Variants in CTNNA3 observed in about 807,000 individuals in gnomAD.
The protein encoded by CTNNA3 is catenin alpha 3.
CTNNA3 carries 76 observed loss-of-function variants against 95.7 expected under a neutral mutation model. That is an observed-to-expected ratio of 0.79 (90% CI 0.66 to 0.96). The LOEUF is 0.96. Among genes scored for constraint, CTNNA3 ranks in the 40% least tolerant of loss-of-function variants. The probability of loss-of-function intolerance (pLI) is 0.00; values close to 1 mark genes in which losing one functional copy is unlikely to be tolerated. For missense variants in CTNNA3, 1,191 were observed against 1,089.8 expected (o/e 1.09, Z -1.31); for synonymous variants, 431 against 374.4 (o/e 1.15, Z -1.74).
At chr10:66,108,397 T>C (rs748287029) in intron 13 of CTNNA3, among the ~76,000 whole-genome samples, 1 of 152,096 alleles carries the variant, frequency 6.6e-6, no homozygotes, top group Non-Finnish European at 1.5e-5. Flanking sequence ...CACTTAAGAC[T>C]CTTTGTGTCT....
chr10:67,660,112 C>T (rs909068766), intron 1 of CTNNA3, among the ~76,000 whole-genome samples: 2 of 152,158 alleles, frequency 1.3e-5, no homozygotes, highest in Non-Finnish European at 2.9e-5. Context: ...TCCATTCTGT[C>T]ATAATCCTTG....
intron 9 of CTNNA3, among the ~76,000 whole-genome samples, chr10:66,651,674 G>C (rs1004537379): frequency 6.6e-6 from 1 of 150,546 alleles, no homozygotes; most frequent in South Asian, 2.1e-4. Flanking sequence ...ACTGCTGGGG[G>C]ACCCAGCGCA....
intron 10 of CTNNA3, among the ~76,000 whole-genome samples, chr10:66,547,534 G>C (rs1842077737): frequency 6.6e-6 from 1 of 151,022 alleles, no homozygotes; most frequent in Non-Finnish European, 1.5e-5. Context: ...AGTAGAGACG[G>C]GGTTTCACCA....
At chr10:67,109,571 G>A (rs117433385) in intron 7 of CTNNA3, among the ~76,000 whole-genome samples, 2,081 of 152,258 alleles carry the variant, frequency 0.014, 16 homozygotes, top group Non-Finnish European at 0.021. Context: ...AAGGCCAGGC[G>A]TGGTAGCTCA....
intron 5 of CTNNA3, among the ~76,000 whole-genome samples, chr10:67,443,484 C>T (rs914918582): frequency 2.0e-5 from 3 of 151,814 alleles, no homozygotes; most frequent in Non-Finnish European, 4.4e-5. Context: ...TAATGATTGC[C>T]GTTCTAACTG....
chr10:67,564,727 T>C (rs1841694542), intron 3 of CTNNA3, among the ~76,000 whole-genome samples: 1 of 93,696 alleles, frequency 1.1e-5, no homozygotes, highest in Non-Finnish European at 2.0e-5. Flanking sequence ...ATCACTATGA[T>C]CAGGTGGGTT....
intron 5 of CTNNA3, among the ~76,000 whole-genome samples, chr10:67,262,047 T>C (rs957050255): frequency 8.5e-5 from 13 of 152,294 alleles, no homozygotes; most frequent in African/African-American, 2.4e-4. Context: ...TGGTATAATA[T>C]TGTACAATAA....
At chr10:67,553,260 C>A (rs1242977309) in intron 3 of CTNNA3, among the ~76,000 whole-genome samples, 1 of 152,014 alleles carries the variant, frequency 6.6e-6, no homozygotes, top group African/African-American at 2.4e-5. Context: ...GTAACTATAC[C>A]CCTTAAATCT....
intron 13 of CTNNA3, among the ~76,000 whole-genome samples, chr10:66,116,431 T>C (rs1331942156): frequency 6.6e-6 from 1 of 152,212 alleles, no homozygotes; most frequent in African/African-American, 2.4e-5. Flanking sequence ...TGTATACAAA[T>C]ATTTATAGCA....
chr10:67,531,449 G>A (rs1239931494), intron 4 of CTNNA3, among the ~76,000 whole-genome samples: 1 of 152,212 alleles, frequency 6.6e-6, no homozygotes, highest in Non-Finnish European at 1.5e-5. Flanking sequence ...AGATTTGACT[G>A]CCCTGATGGA....
chr10:66,424,612 A>G (rs1016634323), intron 11 of CTNNA3, among the ~76,000 whole-genome samples: 5 of 152,140 alleles, frequency 3.3e-5, no homozygotes, highest in African/African-American at 1.2e-4. Context: ...TATTGCTGAT[A>G]TCTAATTTAA....
chr10:66,728,374 A>G (rs1247211391), intron 9 of CTNNA3, among the ~76,000 whole-genome samples: 10 of 152,082 alleles, frequency 6.6e-5, no homozygotes. Context: ...CTCCCATTCT[A>G]TAGGTTATCT....
At chr10:66,427,414 T>G (rs529306481) in intron 11 of CTNNA3, among the ~76,000 whole-genome samples, 2 of 152,208 alleles carry the variant, frequency 1.3e-5, no homozygotes, top group Non-Finnish European at 2.9e-5. Context: ...CTAAGCTTCC[T>G]TACGGTTGGA....
At chr10:66,448,846 T>A (rs1266260433) in intron 11 of CTNNA3, among the ~76,000 whole-genome samples, 4 of 151,810 alleles carry the variant, frequency 2.6e-5, no homozygotes, top group African/African-American at 9.6e-5. Flanking sequence ...AATTAAAAAA[T>A]AAATAAATAA....
At chr10:66,253,395 T>C (rs2090635920) in intron 13 of CTNNA3, among the ~76,000 whole-genome samples, 1 of 152,028 alleles carries the variant, frequency 6.6e-6, no homozygotes, top group Non-Finnish European at 1.5e-5. Context: ...TGATCATATG[T>C]TCTAATTAGA....
At chr10:66,393,892 T>A (rs921886115) in intron 11 of CTNNA3, among the ~76,000 whole-genome samples, 1 of 152,024 alleles carries the variant, frequency 6.6e-6, no homozygotes, top group Non-Finnish European at 1.5e-5. Context: ...AATCAAGGTT[T>A]ATCTAACCTG....
intron 15 of CTNNA3, among the ~76,000 whole-genome samples, chr10:66,007,195 T>C (rs1289706746): frequency 6.6e-6 from 1 of 152,220 alleles, no homozygotes; most frequent in African/African-American, 2.4e-5. Flanking sequence ...TTGATTTACA[T>C]GCTTTATTGA....
intron 9 of CTNNA3, among the ~76,000 whole-genome samples, chr10:66,725,547 G>C (rs149656859): frequency 5.9e-5 from 9 of 152,180 alleles, no homozygotes; most frequent in Admixed American, 3.3e-4. Flanking sequence ...GAGCTTTAAT[G>C]CCCTCTGTCA....
intron 13 of CTNNA3, among the ~76,000 whole-genome samples, chr10:66,226,133 A>T (rs1338054283): frequency 6.6e-6 from 1 of 152,056 alleles, no homozygotes; most frequent in African/African-American, 2.4e-5. Flanking sequence ...AACCACAAAA[A>T]CTTTGCCCAG....
Sources: allele counts gnomAD v4.1 joint callset (sites outside exome capture counted in the v4.1 genomes callset), GRCh38; gene constraint gnomAD v4.1.1; transcripts MANE v1.5; gene names NCBI Gene and HGNC (gene_info 2026-07-23, HGNC 2026-07-21).